RORA: variants seen among roughly 807,000 people sequenced by gnomAD.
RORA encodes RAR related orphan receptor A.
Under a neutral mutation model 69.5 loss-of-function variants are expected in RORA, and 7 were observed. That is an observed-to-expected ratio of 0.10 (90% confidence interval 0.06 to 0.19). RORA has a LOEUF of 0.19. Ranked by LOEUF, RORA falls within the 10% of genes least tolerant of loss-of-function variation. The probability of loss-of-function intolerance (pLI) is 1.00; values close to 1 mark genes in which losing one functional copy is unlikely to be tolerated. For missense variants in RORA, 457 were observed against 663.0 expected, an observed-to-expected ratio of 0.69 and a Z score of 3.41; for synonymous variants, 261 against 240.8, an observed-to-expected ratio of 1.08 and a Z score of -0.78.
intron 1 of RORA, among the ~76,000 whole-genome samples, chr15:60,945,435 A>C (rs1223500278): frequency 6.6e-6 from 1 of 152,238 alleles, no homozygotes; most frequent in East Asian, 1.9e-4. Flanking sequence ...CCGTCAGGGG[A>C]AACGTTGTTA....
At chr15:60,582,393 A>G (rs2068218345) in intron 2 of RORA, among the ~76,000 whole-genome samples, 1 of 152,244 alleles carries the variant, frequency 6.6e-6, no homozygotes, top group Non-Finnish European at 1.5e-5. Context: ...ACACTTTCAT[A>G]GAACGGTAGA....
In RORA at chr15:60,491,451, T is replaced by C. The variant is rs1567027816; in HGVS notation, c.*6004A>G. ...AACACAGATTTCCTAGGCATCTATT[T>C]AAAATATTCATATTCACTTTCTCAA... On this transcript the variant is annotated 3_prime_UTR_variant, in exon 11 of 11. Transcript: ENST00000335670. 1 of 152,170 alleles carries C rather than the reference T, an allele frequency of 6.6e-6. No homozygotes were observed. The highest frequency in any genetic ancestry group is 1.5e-5 in the Non-Finnish European group (1 of 68,018). The allele number at this position is 152,170 out of a possible 1,614,324, so 9.4% of individuals were successfully genotyped here.
chr15:60,880,914 G>A lies in RORA; in HGVS notation c.167-202228C>T, dbSNP rs185775523. ...ATGCCTTGCTTTAAAGGTGAGGCAG[G>A]TACTAATCTACAAAACAAATCTTGC... On this transcript the variant is annotated intron_variant, in intron 1 of 10. Coordinates refer to ENST00000335670, the MANE Select transcript of RORA (RefSeq NM_134261.3). 2.0e-5 allele frequency among the ~76,000 whole-genome samples: 3 copies of A among 152,234 alleles called. No individual in the cohort carries two copies. The East Asian group carries it at 5.8e-4, about 29-fold the overall frequency.
At chr15:60,683,245 C>T (rs2070676071) in intron 1 of RORA, among the ~76,000 whole-genome samples, 2 of 152,162 alleles carry the variant, frequency 1.3e-5, no homozygotes, top group African/African-American at 4.8e-5. Flanking sequence ...TGCCTGGCCT[C>T]AAGCAATCCT....
intron 1 of RORA, among the ~76,000 whole-genome samples, chr15:60,768,649 G>A (rs2140879067): frequency 6.6e-6 from 1 of 152,302 alleles, no homozygotes; most frequent in Admixed American, 6.5e-5. Context: ...CAAACCAGAG[G>A]CCAAAGCTTA....
chr15:61,100,643 T>A (rs953660231), intron 1 of RORA, among the ~76,000 whole-genome samples: 1 of 152,140 alleles, frequency 6.6e-6, no homozygotes, highest in Non-Finnish European at 1.5e-5. Context: ...TCATTTGGCA[T>A]GGGGCTGCAC....
chr15:60,891,201 A>G (rs747853115), intron 1 of RORA, among the ~76,000 whole-genome samples: 1 of 152,238 alleles, frequency 6.6e-6, no homozygotes, highest in Non-Finnish European at 1.5e-5. Context: ...TAACTGGCCC[A>G]AACTTTATCT....
chr15:61,201,529 G>C (rs1195543116), intron 1 of RORA, among the ~76,000 whole-genome samples: 2 of 152,208 alleles, frequency 1.3e-5, no homozygotes, highest in Non-Finnish European at 2.9e-5. Flanking sequence ...CCTCGAGTCA[G>C]ATTCAGTCTC....
rs117883476 is a variant in RORA at position 60,800,966 on chromosome 15, C to T, written c.167-122280G>A. ...TGCATTCCCAATACTTTCTGCAGTG[C>T]TTGGCACACAGCGATTGATTGCTGC... On this transcript the variant is annotated intron_variant, in intron 1 of 10. Transcript: ENST00000335670. 5.9e-5 allele frequency among the ~76,000 whole-genome samples: 9 copies of T among 152,360 alleles called. No homozygotes were observed. In the East Asian group the frequency reaches 1.3e-3, roughly 23 times the overall value.
intron 1 of RORA, among the ~76,000 whole-genome samples, chr15:61,224,673 C>T (rs537988196): frequency 1.3e-5 from 2 of 152,306 alleles, no homozygotes; most frequent in African/African-American, 2.4e-5. Flanking sequence ...CACTCGAATT[C>T]CAAAGGTTAG....
At chr15:61,175,429 A>C (rs976927288) in intron 1 of RORA, among the ~76,000 whole-genome samples, 1 of 151,962 alleles carries the variant, frequency 6.6e-6, no homozygotes, top group Non-Finnish European at 1.5e-5. Flanking sequence ...GATAGGGGCC[A>C]GGCACGGTGA....
intron 3 of RORA, chr15:60,529,217 GAT>G (rs1363123695): frequency 5.3e-5 from 8 of 152,118 alleles, no homozygotes; most frequent in African/African-American, 1.9e-4. Flanking sequence ...ATATCTATTT[GAT>G]ATGTCTAATG....
At chr15:60,957,520 A>G (rs1893303281) in intron 1 of RORA, among the ~76,000 whole-genome samples, 1 of 152,254 alleles carries the variant, frequency 6.6e-6, no homozygotes, top group African/African-American at 2.4e-5. Flanking sequence ...CATTAAGTCG[A>G]TGCTTATGGA....
rs1595958052 is a variant in RORA, at chr15:61,078,854, G to A, written c.166+150199C>T. On this transcript the variant is annotated intron_variant, in intron 1 of 10. Coordinates refer to ENST00000335670, the MANE Select transcript of RORA (RefSeq NM_134261.3). The stretch of plus-strand genomic sequence containing the variant: ...ATCTCATGGAATCAGGGGCTTAAAT[G>A]TCTGCCACATATTGGACAATGATCT... Among the ~76,000 whole-genome samples the A allele has an allele frequency of 2.0e-5, 3 of 151,970 alleles. No homozygotes were observed. The South Asian group carries it at 6.2e-4, about 32-fold the overall frequency.
intron 1 of RORA, among the ~76,000 whole-genome samples, chr15:60,894,257 G>A (rs1377714185): frequency 6.6e-6 from 1 of 152,218 alleles, no homozygotes. Flanking sequence ...GATTAAAGCA[G>A]GCGGCTTTCA....
At chr15:60,737,430 T>C (rs1267300078) in intron 1 of RORA, among the ~76,000 whole-genome samples, 1 of 152,170 alleles carries the variant, frequency 6.6e-6, no homozygotes, top group Non-Finnish European at 1.5e-5. Flanking sequence ...CTAGTGCTTC[T>C]CAGGGTGTGG....
intron 1 of RORA, among the ~76,000 whole-genome samples, chr15:61,023,776 T>A (rs1895659266): frequency 1.3e-5 from 2 of 152,242 alleles, no homozygotes; most frequent in African/African-American, 2.4e-5. Flanking sequence ...TGCACCTTTA[T>A]TCATTGTAAT....
intron 1 of RORA, among the ~76,000 whole-genome samples, chr15:60,690,547 T>C (rs1482601665): frequency 1.3e-5 from 2 of 152,218 alleles, no homozygotes; most frequent in East Asian, 3.8e-4. Context: ...CTACCTCATA[T>C]AAGTCACTGT....
chr15:61,136,291 A>C (rs1201206067), intron 1 of RORA, among the ~76,000 whole-genome samples: 7 of 150,348 alleles, frequency 4.7e-5, no homozygotes. Flanking sequence ...ATTTCCCCCC[A>C]TTTTGTTTCT....
Sources: allele counts gnomAD v4.1 joint callset (sites outside exome capture counted in the v4.1 genomes callset), GRCh38; gene constraint gnomAD v4.1.1; transcripts MANE v1.5; gene names NCBI Gene and HGNC (gene_info 2026-07-23, HGNC 2026-07-21).